PDE7B: variants seen among roughly 807,000 people sequenced by gnomAD.
The protein encoded by PDE7B is phosphodiesterase 7B.
Under a neutral mutation model 56.2 loss-of-function variants are expected in PDE7B, and 29 were observed. The ratio of observed to expected loss-of-function variants is 0.52; its 90% CI spans 0.38 to 0.70. The LOEUF is 0.70. Ranked by LOEUF, PDE7B falls within the 30% of genes least tolerant of loss-of-function variation. The pLI is 0.00. For synonymous variants in PDE7B, 197 were observed against 196.9 expected, an observed-to-expected ratio of 1.00 and a Z score of 0.00; for missense variants, 490 against 565.0, an observed-to-expected ratio of 0.87 and a Z score of 1.35.
chr6:135,893,831 T>G (rs1775851601), intron 1 of PDE7B, among the ~76,000 whole-genome samples: 1 of 152,192 alleles, frequency 6.6e-6, no homozygotes, highest in Non-Finnish European at 1.5e-5. Context: ...ATCCCAAGAA[T>G]AATTACACCA....
Position 136,080,434 on chromosome 6 carries a change from C to T in PDE7B, c.83-28297C>T, listed in dbSNP as rs140391726. Among the ~76,000 whole-genome samples the T allele has an allele frequency of 6.6e-3, 1,003 of 152,230 alleles. 15 individuals carry two copies. Among genetic ancestry groups the T allele is most frequent in the African/African-American group, 0.022 (919 of 41,512 alleles). ...GCCCTTCAGAGGTTTCCTTTCAGCA[C>T]GTCTTCCTCCAGTCCTAGGAGGAAT... On this transcript the variant is annotated intron_variant, in intron 2 of 12. Coordinates refer to ENST00000308191, the MANE Select transcript of PDE7B (RefSeq NM_018945.4).
chr6:135,934,287 C>G (rs1190243926), intron 1 of PDE7B, among the ~76,000 whole-genome samples: 1 of 152,126 alleles, frequency 6.6e-6, no homozygotes. Flanking sequence ...TAGTTTAACT[C>G]CTTAACCCTG....
At chr6:136,010,474 C>T (rs1228696399) in intron 2 of PDE7B, among the ~76,000 whole-genome samples, 3 of 147,836 alleles carry the variant, frequency 2.0e-5, no homozygotes, top group South Asian at 2.1e-4. Context: ...GGTGCAGTCT[C>T]GGCTCACTGC....
chr6:136,095,630 C>T (rs1446321082), intron 2 of PDE7B: 2 of 152,166 alleles, frequency 1.3e-5, no homozygotes, highest in East Asian at 3.9e-4. Flanking sequence ...CCTCCCTTAA[C>T]AATAGATCAT....
At chr6:136,009,206 G>A (rs1209175061) in intron 2 of PDE7B, among the ~76,000 whole-genome samples, 1 of 151,568 alleles carries the variant, frequency 6.6e-6, no homozygotes, top group Non-Finnish European at 1.5e-5. Context: ...CTCTGTTTTG[G>A]TACCAGTACC....
At position 136,192,823 on chromosome 6, in the gene PDE7B, T is replaced by C. The variant is rs1779252305; in HGVS notation, c.*983T>C. The C allele has an allele frequency of 6.6e-6, 1 of 152,560 alleles. No homozygotes were observed. The allele number at this position is 152,560 out of a possible 1,614,324, so 9.5% of individuals were successfully genotyped here. A position where few individuals can be genotyped will look rare whatever the true frequency, so the allele number is the denominator to read the frequency against. ...AGGCCTTAACTTTAAACATCTTTCATCTTCTGAAAGCTGCCCAACTTAAAT... is the reference window on the plus strand; with the variant it reads ...AGGCCTTAACTTTAAACATCTTTCACCTTCTGAAAGCTGCCCAACTTAAAT... On this transcript the variant is annotated 3_prime_UTR_variant, in exon 13 of 13. Coordinates refer to ENST00000308191, the MANE Select transcript of PDE7B (RefSeq NM_018945.4).
chr6:136,002,858 A>C (rs2128206264), intron 2 of PDE7B, among the ~76,000 whole-genome samples: 1 of 152,194 alleles, frequency 6.6e-6, no homozygotes, highest in Non-Finnish European at 1.5e-5. Flanking sequence ...GACCTAATAG[A>C]CATCTACAGA....
intron 2 of PDE7B, among the ~76,000 whole-genome samples, chr6:135,950,442 G>C (rs1774679269): frequency 6.6e-6 from 1 of 152,096 alleles, no homozygotes; most frequent in South Asian, 2.1e-4. Context: ...TATAAGCCCT[G>C]CCAACCATAA....
At chr6:136,179,835 G>T (rs1002829665) in intron 10 of PDE7B, among the ~76,000 whole-genome samples, 7 of 152,090 alleles carry the variant, frequency 4.6e-5, no homozygotes, top group African/African-American at 1.2e-4. Flanking sequence ...TTTTTAGGCA[G>T]CAAAAAATAA....
intron 1 of PDE7B, among the ~76,000 whole-genome samples, chr6:135,932,247 A>T (rs1452622077): frequency 6.6e-6 from 1 of 152,188 alleles, no homozygotes; most frequent in Non-Finnish European, 1.5e-5. Context: ...TGATAGCACA[A>T]CAGGGTGACT....
chr6:136,108,715 A>AT lies in PDE7B; in HGVS notation c.83-12dup. On this transcript the variant is annotated splice_polypyrimidine_tract_variant and intron_variant, in intron 2 of 12. Transcript: ENST00000308191. ...GCAATGTTTTCAAGCCTTTGTTTGG[A>AT]TTTTCTGTTTTCTAGGAGATATACG... 1 of 1,565,876 alleles carries AT rather than the reference A, an allele frequency of 6.4e-7. No individual in the cohort carries two copies. The highest frequency in any genetic ancestry group is 8.8e-7 in the Non-Finnish European group (1 of 1,136,304).
intron 2 of PDE7B, among the ~76,000 whole-genome samples, chr6:135,987,197 GA>G (rs1775395932): frequency 6.6e-6 from 1 of 152,232 alleles, no homozygotes; most frequent in Non-Finnish European, 1.5e-5. Context: ...AGACAATAAA[GA>G]ACAGAATTTG....
At chr6:135,877,752 C>CAAAAAAAAA (rs75061563) in intron 1 of PDE7B, among the ~76,000 whole-genome samples, 2 of 89,112 alleles carry the variant, frequency 2.2e-5, no homozygotes, top group Non-Finnish European at 3.0e-5. Flanking sequence ...CAAAACAAAA[C>CAAAAAAAAA]AAAAAAAAAA....
intron 1 of PDE7B, among the ~76,000 whole-genome samples, chr6:135,896,897 A>G (rs1282538314): frequency 1.3e-5 from 2 of 152,158 alleles, no homozygotes; most frequent in South Asian, 2.1e-4. Context: ...GTTGTCCACC[A>G]TCCCCCATCT....
intron 2 of PDE7B, among the ~76,000 whole-genome samples, chr6:135,951,480 A>C (rs1774697476): frequency 6.6e-6 from 1 of 152,194 alleles, no homozygotes; most frequent in African/African-American, 2.4e-5. Flanking sequence ...AGCCCAGAAT[A>C]TTTAAAGAAA....
chr6:136,022,069 G>C (rs1776082932), intron 2 of PDE7B, among the ~76,000 whole-genome samples: 2 of 152,138 alleles, frequency 1.3e-5, no homozygotes, highest in African/African-American at 4.8e-5. Context: ...TCTTCCCAAG[G>C]GTTGCTTTTT....
At chr6:136,096,581 A>C (rs1212203523) in intron 2 of PDE7B, among the ~76,000 whole-genome samples, 1 of 151,352 alleles carries the variant, frequency 6.6e-6, no homozygotes, top group Non-Finnish European at 1.5e-5. Context: ...GTATTTTGCA[A>C]AAATTTACAG....
At chr6:135,906,817 T>G (rs919957100) in intron 1 of PDE7B, among the ~76,000 whole-genome samples, 2 of 144,938 alleles carry the variant, frequency 1.4e-5, no homozygotes, top group African/African-American at 2.6e-5. Flanking sequence ...TTTGTTTTTT[T>G]TTTTTTTTTT....
intron 2 of PDE7B, among the ~76,000 whole-genome samples, chr6:135,951,992 A>G (rs1202027134): frequency 6.6e-6 from 1 of 152,208 alleles, no homozygotes; most frequent in Non-Finnish European, 1.5e-5. Context: ...CTTGCTTTGT[A>G]GCACTAGCTC....
Sources: allele counts gnomAD v4.1 joint callset (sites outside exome capture counted in the v4.1 genomes callset), GRCh38; gene constraint gnomAD v4.1.1; transcripts MANE v1.5; gene names NCBI Gene and HGNC (gene_info 2026-07-23, HGNC 2026-07-21).